PLEKHA5: variants seen among roughly 807,000 people sequenced by gnomAD.
PLEKHA5 encodes the protein pleckstrin homology domain-containing family A member 5.
In PLEKHA5, 55 loss-of-function variants were observed where a neutral mutation model predicts 181.9. That is an observed-to-expected ratio of 0.30 (90% confidence interval 0.24 to 0.38). The LOEUF (loss-of-function observed/expected upper bound fraction) is 0.38. PLEKHA5 is among the 10% of genes least tolerant of loss of function. PLEKHA5 has a pLI of 1.00. For missense variants in PLEKHA5, 1,432 were observed against 1,549.5 expected, an observed-to-expected ratio of 0.92 and a Z score of 1.27; for synonymous variants, 535 against 529.4, an observed-to-expected ratio of 1.01 and a Z score of -0.15.
At chr12:19,354,143 CTTTTTTT>C (rs750923063) in intron 26 of PLEKHA5, 141 bp downstream of exon 26, 1,735 of 74,832 alleles carry the variant, frequency 0.023, 19 homozygotes, top group Non-Finnish European at 0.031. Context: ...ATTCTTTATT[CTTTTTTT>C]TTTTTTTTTT....
At chr12:19,307,797 G>A (rs1443430175) in intron 15 of PLEKHA5, among the ~76,000 whole-genome samples, 1 of 151,810 alleles carries the variant, frequency 6.6e-6, no homozygotes, top group Non-Finnish European at 1.5e-5. Context: ...GAAAGTTACA[G>A]CACGGCTAGA....
intron 3 of PLEKHA5, among the ~76,000 whole-genome samples, chr12:19,191,675 A>G (rs138781723): frequency 1.1e-3 from 168 of 152,278 alleles, no homozygotes; most frequent in African/African-American, 3.9e-3. Context: ...TGAGTCAGGA[A>G]TTCTCAAGCT....
intron 3 of PLEKHA5, among the ~76,000 whole-genome samples, chr12:19,195,979 A>G (rs918214586): frequency 1.3e-5 from 2 of 152,148 alleles, no homozygotes; most frequent in Non-Finnish European, 2.9e-5. Flanking sequence ...ACTTTGTTTA[A>G]TGAGCATCTG....
At chr12:19,254,998 C>A in intron 4 of PLEKHA5, 47 bp from the exon 5 acceptor site, 1 of 1,517,374 alleles carries the variant, frequency 6.6e-7, no homozygotes, top group African/African-American at 1.4e-5. Flanking sequence ...AATTATAAAG[C>A]GGGTTACATA....
rs1337122730 is a variant in PLEKHA5, at chr12:19,130,148, C to CG, written c.169+20dup. 1.3e-6 allele frequency: 2 copies of CG among 1,510,410 alleles called. No homozygotes were observed. Among genetic ancestry groups the CG allele is most frequent in the African/African-American group, 2.9e-5 (2 of 69,826 alleles). 93.6% of individuals were successfully genotyped at this position (1,510,410 alleles called of 1,614,324 possible). A position where few individuals can be genotyped will look rare whatever the true frequency, so the allele number is the denominator to read the frequency against. ...GAGCACAGGTAACGCCGGGCCCAAA[C>CG]GGAGTTGGGCTCCGCCTGGAGGAGG... On this transcript the variant is annotated intron_variant, in intron 2 of 31. Transcript: ENST00000429027. The surrounding 1 kb of genome is among the most constrained non-coding windows in gnomAD (Gnocchi z 4.5).
intron 3 of PLEKHA5, among the ~76,000 whole-genome samples, chr12:19,139,360 C>T (rs1033037720): frequency 3.3e-5 from 5 of 152,024 alleles, no homozygotes; most frequent in South Asian, 2.1e-4. Flanking sequence ...GGCTAAAATC[C>T]GACTTTCACA....
chr12:19,347,969 G>A (rs2094422071), intron 24 of PLEKHA5, among the ~76,000 whole-genome samples: 1 of 144,592 alleles, frequency 6.9e-6, no homozygotes, highest in Admixed American at 7.3e-5. Context: ...TGCAAGCTCC[G>A]CCTCCCAGGT....
chr12:19,247,520 A>G (rs1421842324), intron 3 of PLEKHA5, among the ~76,000 whole-genome samples: 1 of 152,196 alleles, frequency 6.6e-6, no homozygotes, highest in East Asian at 1.9e-4. Flanking sequence ...AGTTTGATGG[A>G]AATATATATA....
chr12:19,156,210 T>G (rs1180304245), intron 3 of PLEKHA5, among the ~76,000 whole-genome samples: 1 of 30,246 alleles, frequency 3.3e-5, no homozygotes, highest in Non-Finnish European at 2.4e-4. Context: ...TTTTTCCTTT[T>G]TTTGTTTTTT....
intron 3 of PLEKHA5, among the ~76,000 whole-genome samples, chr12:19,251,435 A>G (rs2065258991): frequency 6.6e-6 from 1 of 151,872 alleles, no homozygotes; most frequent in African/African-American, 2.4e-5. Context: ...AAGAAAAGAA[A>G]AAAAAGTTGT....
chr12:19,228,990 GAA>G (rs2060063682), intron 3 of PLEKHA5, among the ~76,000 whole-genome samples: 1 of 151,986 alleles, frequency 6.6e-6, no homozygotes, highest in African/African-American at 2.4e-5. Flanking sequence ...TAAAAGGGAA[GAA>G]AAAACTTGTT....
Position 19,245,975 on chromosome 12 carries a change from C to CT in PLEKHA5, c.228-7951dup, listed in dbSNP as rs765435105. Among the ~76,000 whole-genome samples the CT allele has an allele frequency of 5.3e-3, 722 of 136,866 alleles. 1 individual carries two copies. The highest frequency in any genetic ancestry group is 5.8e-3 in the Non-Finnish European group (367 of 62,806). The allele number at this position is 136,866 out of a possible 152,430, so 89.8% of individuals were successfully genotyped here. ...TTAAAGAATATATCTCATTTACTGC[C>CT]TTTTTTTTTTTTTTCCTTTTTTTGA... On this transcript the variant is annotated intron_variant, in intron 3 of 31. Transcript: ENST00000429027.
At chr12:19,209,174 G>A (rs1051914911) in intron 3 of PLEKHA5, among the ~76,000 whole-genome samples, 1 of 152,098 alleles carries the variant, frequency 6.6e-6, no homozygotes. Flanking sequence ...CATGAATTCT[G>A]CTAAAATTGA....
chr12:19,277,957 A>G (rs1274198792), intron 11 of PLEKHA5, among the ~76,000 whole-genome samples: 2 of 152,188 alleles, frequency 1.3e-5, no homozygotes, highest in East Asian at 1.9e-4. Flanking sequence ...CTGCTGGCCA[A>G]TGGGGCACTA....
intron 3 of PLEKHA5, among the ~76,000 whole-genome samples, chr12:19,206,934 C>A (rs1263843106): frequency 1.3e-5 from 2 of 152,066 alleles, no homozygotes; most frequent in Admixed American, 6.6e-5. Context: ...GTTTCTAAAG[C>A]AATAAAATTA....
At chr12:19,268,853 A>G (rs1212264356) in intron 8 of PLEKHA5, among the ~76,000 whole-genome samples, 4 of 152,174 alleles carry the variant, frequency 2.6e-5, no homozygotes, top group Non-Finnish European at 4.4e-5. Flanking sequence ...TTATCTTAAC[A>G]TAGAACATTT....
At chr12:19,205,479 A>G (rs1449660151) in intron 3 of PLEKHA5, 3 of 543,084 alleles carry the variant, frequency 5.5e-6, no homozygotes, top group Non-Finnish European at 7.0e-6. Context: ...ATTTTGCTCT[A>G]ATCGGTCAGT....
intron 20 of PLEKHA5, among the ~76,000 whole-genome samples, chr12:19,332,350 C>A (rs1414991825): frequency 6.6e-6 from 1 of 152,144 alleles, no homozygotes; most frequent in Non-Finnish European, 1.5e-5. Flanking sequence ...ATAACATGTT[C>A]TCAGAAAAGC....
chr12:19,250,327 GT>G (rs2064935796), intron 3 of PLEKHA5, among the ~76,000 whole-genome samples: 1 of 152,206 alleles, frequency 6.6e-6, no homozygotes, highest in African/African-American at 2.4e-5. Context: ...GCTCATACCT[GT>G]AATCCCGGCA....
Sources: allele counts gnomAD v4.1 joint callset (sites outside exome capture counted in the v4.1 genomes callset), GRCh38; gene constraint gnomAD v4.1.1; non-coding constraint Gnocchi (gnomAD v3.1); transcripts MANE v1.5; gene names NCBI Gene and HGNC (gene_info 2026-07-23, HGNC 2026-07-21).